Variants in FRMD6 observed in about 807,000 individuals in gnomAD.
The protein encoded by FRMD6 is FERM domain containing 6.
A neutral mutation model predicts 73.2 loss-of-function variants in FRMD6; 37 were observed. The observed-to-expected ratio is 0.51, with a 90% CI of 0.39 to 0.66. The LOEUF (loss-of-function observed/expected upper bound fraction) is 0.66. Ranked by LOEUF, FRMD6 falls within the 30% of genes least tolerant of loss-of-function variation. The pLI is 0.00. For synonymous variants in FRMD6, 273 were observed against 282.2 expected, an observed-to-expected ratio of 0.97 and a Z score of 0.33; for missense variants, 714 against 780.5, an observed-to-expected ratio of 0.91 and a Z score of 1.02.
intron 2 of FRMD6, among the ~76,000 whole-genome samples, chr14:51,610,609 T>C (rs1458797346): frequency 6.6e-6 from 1 of 152,170 alleles, no homozygotes; most frequent in African/African-American, 2.4e-5. Flanking sequence ...CACTTTTTAT[T>C]GGTCAAGTCT....
chr14:51,458,356 T>C, the FRMD6 span, among the ~76,000 whole-genome samples: 1 of 152,222 alleles, frequency 6.6e-6, no homozygotes. Context: ...TTTTGGGAGA[T>C]GATCCTGATA....
intron 12 of FRMD6, chr14:51,724,199 T>G (rs1188547937): frequency 6.6e-6 from 1 of 151,816 alleles, no homozygotes; most frequent in East Asian, 1.9e-4. Flanking sequence ...TGTGAAGTGT[T>G]CCATATCTTT....
chr14:51,504,309 C>G (rs1883814832), intron 1 of FRMD6, among the ~76,000 whole-genome samples: 1 of 152,226 alleles, frequency 6.6e-6, no homozygotes, highest in Non-Finnish European at 1.5e-5. Flanking sequence ...CCTCTGGAAG[C>G]TCTGTACTGG....
chr14:51,600,929 T>C (rs1005860116), intron 2 of FRMD6, among the ~76,000 whole-genome samples: 3 of 152,248 alleles, frequency 2.0e-5, no homozygotes, highest in African/African-American at 7.2e-5. Flanking sequence ...GTAATATGCA[T>C]ATTATTTTAA....
the FRMD6 span, among the ~76,000 whole-genome samples, chr14:51,477,269 C>A: frequency 1.3e-5 from 2 of 152,170 alleles, no homozygotes; most frequent in African/African-American, 4.8e-5. Flanking sequence ...GACTTCTCAA[C>A]CCTGAAGGCT....
chr14:51,503,393 GT>G (rs1883733292), intron 1 of FRMD6, among the ~76,000 whole-genome samples: 1 of 152,150 alleles, frequency 6.6e-6, no homozygotes, highest in South Asian at 2.1e-4. Context: ...TTTATTGAGA[GT>G]TTTTAACATG....
chr14:51,406,845 G>C, the FRMD6 span, among the ~76,000 whole-genome samples: 1 of 152,002 alleles, frequency 6.6e-6, no homozygotes, highest in African/African-American at 2.4e-5. Context: ...TGTGCATCTT[G>C]TTAGATATAT....
At position 51,720,108 on chromosome 14, in the gene FRMD6, G is replaced by T; in HGVS notation, c.1078G>T (p.Asp360Tyr). Residue 360 changes from aspartate (D) to tyrosine (Y), a missense_variant, in exon 11 of 14, where the codon GAC (aspartate) becomes TAC (tyrosine). Transcript: ENST00000344768. ...YISDNLDLDM[D>Y]QLEKRSRASG... ...CAGTGACAACCTGGACCTCGACATG[G>T]ACCAGCTGGAAAAACGGTCGCGGGC... 6.2e-7 allele frequency: 1 copy of T among 1,613,738 alleles called. No individual in the cohort carries two copies. Among genetic ancestry groups the T allele is most frequent in the Non-Finnish European group, 8.5e-7 (1 of 1,180,000 alleles).
At chr14:51,721,879 A>T (rs1897638602) in intron 11 of FRMD6, 70 bp from the exon 12 acceptor site, 1 of 1,568,182 alleles carries the variant, frequency 6.4e-7, no homozygotes, top group Admixed American at 1.7e-5. Flanking sequence ...CCACCCTCAA[A>T]ATATGGTTGC....
intron 2 of FRMD6, among the ~76,000 whole-genome samples, chr14:51,597,966 GC>G (rs764515503): frequency 3.9e-5 from 6 of 152,096 alleles, no homozygotes; most frequent in Non-Finnish European, 2.9e-5. Context: ...GCAGACGGCT[GC>G]CCCCCAACCA....
At chr14:51,572,249 G>A (rs369465352) in intron 2 of FRMD6, among the ~76,000 whole-genome samples, 18 of 152,362 alleles carry the variant, frequency 1.2e-4, no homozygotes, top group East Asian at 5.8e-4. Flanking sequence ...TGACCCCAGT[G>A]CAGAAGATCA....
the FRMD6 span, among the ~76,000 whole-genome samples, chr14:51,467,965 G>GC: frequency 1.3e-5 from 2 of 152,208 alleles, no homozygotes; most frequent in South Asian, 2.1e-4. Context: ...GTTGTAGCGA[G>GC]CCGAGATCAC....
chr14:51,677,726 G>A lies in FRMD6; in HGVS notation c.-146-11965G>A, dbSNP rs111832412. Among the ~76,000 whole-genome samples, 927 of 152,166 alleles carry A rather than the reference G, an allele frequency of 6.1e-3. 13 individuals are homozygous for A. The highest frequency in any genetic ancestry group is 0.021 in the African/African-American group (882 of 41,508). On this transcript the variant is annotated intron_variant, in intron 1 of 13. Coordinates refer to ENST00000344768, the MANE Select transcript of FRMD6 (RefSeq NM_001267046.2). ...TACCCAAATTTTGGTTTTAATGTCC[G>A]TGTACTTCAGGGGAAGTTAACACAC...
At chr14:51,536,522 A>C (rs1037325402) in intron 1 of FRMD6, among the ~76,000 whole-genome samples, 1 of 151,880 alleles carries the variant, frequency 6.6e-6, no homozygotes, top group Admixed American at 6.6e-5. Flanking sequence ...GGTTCAAGCG[A>C]TTCTCCTGCC....
chr14:51,482,699 G>T, the FRMD6 span, among the ~76,000 whole-genome samples: 14 of 51,080 alleles, frequency 2.7e-4, no homozygotes, highest in East Asian at 8.4e-3. Context: ...TGTGTATTTG[G>T]TTTTTGTTTG....
upstream of FRMD6, among the ~76,000 whole-genome samples, chr14:51,486,293 C>T (rs1419920784): frequency 6.6e-6 from 1 of 152,126 alleles, no homozygotes; most frequent in East Asian, 1.9e-4. Flanking sequence ...CTCGGCCTCC[C>T]AAAGTGCTGG....
chr14:51,666,410 T>A (rs573308663), intron 1 of FRMD6, among the ~76,000 whole-genome samples: 7 of 152,350 alleles, frequency 4.6e-5, no homozygotes, highest in African/African-American at 1.7e-4. Context: ...ACCTTCCCTT[T>A]TGAAGCTTTT....
intron 1 of FRMD6, among the ~76,000 whole-genome samples, chr14:51,553,268 T>C (rs1421184985): frequency 6.6e-6 from 1 of 152,210 alleles, no homozygotes; most frequent in Non-Finnish European, 1.5e-5. Flanking sequence ...CATCTGCTCA[T>C]TGGTCATTAA....
chr14:51,652,275 C>A (rs1241232092), intron 1 of FRMD6: 1 of 152,622 alleles, frequency 6.6e-6, no homozygotes, highest in African/African-American at 2.4e-5. Flanking sequence ...CGGACGAGGC[C>A]CTAGGGCAGC....
Sources: allele counts gnomAD v4.1 joint callset (sites outside exome capture counted in the v4.1 genomes callset), GRCh38; gene constraint gnomAD v4.1.1; transcripts MANE v1.5; gene names NCBI Gene and HGNC (gene_info 2026-07-23, HGNC 2026-07-21).